The following RUNX1 variants were observed in gnomAD, a reference collection of about 807,000 sequenced individuals.
The protein encoded by RUNX1 is runt-related transcription factor 1.
RUNX1 carries 19 observed loss-of-function variants against 42.8 expected under a neutral mutation model. The observed-to-expected ratio is 0.44, with a 90% CI of 0.31 to 0.65. The LOEUF (loss-of-function observed/expected upper bound fraction) is 0.65. RUNX1 is among the 30% of genes least tolerant of loss of function. RUNX1 has a pLI of 0.07. For missense variants in RUNX1, 528 were observed against 672.0 expected (o/e 0.79, Z 2.37); for synonymous variants, 271 against 289.4 (o/e 0.94, Z 0.64).
In RUNX1 at chr21:34,959,441, T is replaced by C. The variant is rs111942119; in HGVS notation, c.59-66478A>G. On this transcript the variant is annotated intron_variant, in intron 2 of 8. Coordinates refer to ENST00000675419, the MANE Select transcript of RUNX1 (RefSeq NM_001754.5). ...GATTACACAAGCTAATACTAAGGCA[T>C]GGAGAACAGTGCCTAGCACATCATA... is the stretch of plus-strand genomic sequence containing the variant. 3.2e-3 allele frequency among the ~76,000 whole-genome samples: 486 copies of C among 152,250 alleles called. 1 individual carries two copies. The highest frequency in any genetic ancestry group is 0.011 in the African/African-American group (454 of 41,528).
chr21:34,816,492 T>C (rs1486417505), intron 7 of RUNX1, among the ~76,000 whole-genome samples: 1 of 151,984 alleles, frequency 6.6e-6, no homozygotes, highest in African/African-American at 2.4e-5. Flanking sequence ...GCCATGACAG[T>C]TGGTGAAGCG....
chr21:34,811,864 T>C (rs2056763160), intron 7 of RUNX1, among the ~76,000 whole-genome samples: 1 of 152,114 alleles, frequency 6.6e-6, no homozygotes. Context: ...CCGCTCCAGC[T>C]TATTTTTCAC....
intron 2 of RUNX1, among the ~76,000 whole-genome samples, chr21:35,045,398 T>G (rs2059388958): frequency 6.6e-6 from 1 of 152,166 alleles, no homozygotes; most frequent in Non-Finnish European, 1.5e-5. Context: ...CTAGAATTAA[T>G]ACATTGAAGT....
At chr21:35,027,292 A>T (rs908953113) in intron 2 of RUNX1, among the ~76,000 whole-genome samples, 1 of 152,198 alleles carries the variant, frequency 6.6e-6, no homozygotes, top group Non-Finnish European at 1.5e-5. Flanking sequence ...TTAAACTTTT[A>T]TGTGCATGAA....
chr21:35,018,021 TTTTGTTTG>T (rs559786429), intron 2 of RUNX1, among the ~76,000 whole-genome samples: 1 of 151,996 alleles, frequency 6.6e-6, no homozygotes, highest in African/African-American at 2.4e-5. Flanking sequence ...TATTTCCTGT[TTTTGTTTG>T]TTTGTTTGTT....
At chr21:35,015,188 A>C (rs1471268219) in intron 2 of RUNX1, among the ~76,000 whole-genome samples, 4 of 152,178 alleles carry the variant, frequency 2.6e-5, no homozygotes, top group Non-Finnish European at 1.5e-5. Context: ...ATCCCTTTGC[A>C]TTTCAACTTC....
chr21:34,813,969 A>G (rs1403904625), intron 7 of RUNX1, among the ~76,000 whole-genome samples: 1 of 152,174 alleles, frequency 6.6e-6, no homozygotes, highest in East Asian at 1.9e-4. Flanking sequence ...CTTTAACTAC[A>G]TGATAGTTAG....
At chr21:35,038,605 CTCTCTCTCTGTGTGTGTGTG>C (rs1455823932) in intron 2 of RUNX1, 8 of 294,508 alleles carry the variant, frequency 2.7e-5, no homozygotes, top group African/African-American at 2.3e-4. Context: ...CTCTCTCTCT[CTCTCTCTCTGTGTGTGTGTG>C]TGTGTGTGTG....
intron 2 of RUNX1, among the ~76,000 whole-genome samples, chr21:34,931,351 CATGTGTATATATATGTGTATATAT>C (rs1016815228): frequency 6.9e-6 from 1 of 144,100 alleles, no homozygotes; most frequent in Non-Finnish European, 1.5e-5. Flanking sequence ...TATATATATA[CATGTGTATATATATGTGTATATAT>C]AATATATACA....
At chr21:34,808,583 A>G (rs1199427871) in intron 7 of RUNX1, among the ~76,000 whole-genome samples, 1 of 152,156 alleles carries the variant, frequency 6.6e-6, no homozygotes, top group East Asian at 1.9e-4. Flanking sequence ...CCTCACCTCT[A>G]AAAATGGGGG....
intron 2 of RUNX1, among the ~76,000 whole-genome samples, chr21:34,997,885 C>G (rs1370454057): frequency 6.6e-6 from 1 of 152,172 alleles, no homozygotes; most frequent in Non-Finnish European, 1.5e-5. Flanking sequence ...TCATTTTGGC[C>G]TTTTCTGTGC....
rs572009100 is a variant in RUNX1 at position 34,907,992 on chromosome 21, G to A, written c.59-15029C>T. ...AACAGTGGCTGATCTGGGACCCCCT[G>A]ACCTGTGAATTTGTGGTCCACCCCC... On this transcript the variant is annotated intron_variant, in intron 2 of 8. Coordinates refer to ENST00000675419, the MANE Select transcript of RUNX1 (RefSeq NM_001754.5). This position sits in a 1 kb window ranked among gnomAD's most constrained non-coding sequence, Gnocchi z 5.3. Among the ~76,000 whole-genome samples the A allele has an allele frequency of 4.1e-4, 62 of 152,218 alleles. No individual in the cohort carries two copies. The highest frequency in any genetic ancestry group is 1.5e-3 in the African/African-American group (62 of 41,522).
intron 2 of RUNX1, among the ~76,000 whole-genome samples, chr21:34,991,443 C>A (rs1457343206): frequency 6.6e-6 from 1 of 152,184 alleles, no homozygotes; most frequent in Non-Finnish European, 1.5e-5. Context: ...GCTGTCCATG[C>A]AGTTTACCTC....
intron 8 of RUNX1, among the ~76,000 whole-genome samples, chr21:34,796,855 T>C (rs909288307): frequency 1.6e-4 from 24 of 150,724 alleles, no homozygotes; most frequent in African/African-American, 5.6e-4. Context: ...TCAGACAAGG[T>C]GTGGAGTCTG....
chr21:34,823,448 T>G (rs1189395718), intron 7 of RUNX1, among the ~76,000 whole-genome samples: 43 of 143,036 alleles, frequency 3.0e-4, no homozygotes, highest in African/African-American at 1.1e-3. Context: ...TTTTTTTTTT[T>G]TTTTTTTTTT....
chr21:34,959,283 A>AGG (rs1404816934), intron 2 of RUNX1, among the ~76,000 whole-genome samples: 1 of 152,162 alleles, frequency 6.6e-6, no homozygotes, highest in Admixed American at 6.5e-5. Context: ...AGGGGAACAA[A>AGG]GAAGTGCACT....
chr21:34,818,886 CCT>C (rs2056868929), intron 7 of RUNX1, among the ~76,000 whole-genome samples: 1 of 152,176 alleles, frequency 6.6e-6, no homozygotes, highest in Admixed American at 6.5e-5. Context: ...TCCAACAGCC[CCT>C]CTTTCGCCTA....
intron 2 of RUNX1, among the ~76,000 whole-genome samples, chr21:34,941,634 G>A (rs1444318763): frequency 1.3e-5 from 2 of 152,136 alleles, no homozygotes; most frequent in Non-Finnish European, 2.9e-5. Flanking sequence ...TCACTTAAAT[G>A]TCAGCCCATA....
chr21:34,882,712 C>T (rs998685457), intron 4 of RUNX1, among the ~76,000 whole-genome samples: 4 of 150,288 alleles, frequency 2.7e-5, no homozygotes, highest in Non-Finnish European at 4.4e-5. Flanking sequence ...TTTCTATTCC[C>T]GAAAAATGGG....
Sources: allele counts gnomAD v4.1 joint callset (sites outside exome capture counted in the v4.1 genomes callset), GRCh38; gene constraint gnomAD v4.1.1; non-coding constraint Gnocchi (gnomAD v3.1); transcripts MANE v1.5; gene names NCBI Gene and HGNC (gene_info 2026-07-23, HGNC 2026-07-21).